EML4: variants seen among roughly 807,000 people sequenced by gnomAD.
The protein encoded by EML4 is echinoderm microtubule-associated protein-like 4.
A neutral mutation model predicts 129.0 loss-of-function variants in EML4; 72 were observed. The observed-to-expected ratio is 0.56, with a 90% CI of 0.46 to 0.68. The LOEUF is 0.68. Among genes scored for constraint, EML4 ranks in the 30% least tolerant of loss-of-function variants. The pLI is 0.00. For missense variants in EML4, 1,363 were observed against 1,190.6 expected (o/e 1.14, Z -2.13); for synonymous variants, 532 against 405.0 (o/e 1.31, Z -3.77).
chr2:42,225,023 CT>C (rs914137784), intron 1 of EML4, among the ~76,000 whole-genome samples: 1 of 152,040 alleles, frequency 6.6e-6, no homozygotes, highest in African/African-American at 2.4e-5. Flanking sequence ...CCTTTTGTGT[CT>C]GGTTTATTTT....
In EML4 at chr2:42,169,933, C is replaced by A. The variant is rs1336680408; in HGVS notation, c.25+297C>A. The A allele has an allele frequency of 4.8e-5, 17 of 353,088 alleles. No homozygotes were observed. In the East Asian group the frequency reaches 7.4e-4, roughly 15 times the overall value. The allele number at this position is 353,088 out of a possible 1,614,324, so 21.9% of individuals were successfully genotyped here. ...TTCTCAGGCCCCCCGATAGCTGGCA[C>A]ACCCCTCCCCGTACACTCACGGCTC... On this transcript the variant is annotated intron_variant, in intron 1 of 22. Transcript: ENST00000318522.
chr2:42,310,819 T>C (rs569321849), intron 17 of EML4, among the ~76,000 whole-genome samples: 1 of 152,194 alleles, frequency 6.6e-6, no homozygotes, highest in Non-Finnish European at 1.5e-5. Flanking sequence ...TTGTAGAAAA[T>C]CCCCTTGGCT....
chr2:42,236,428 C>T (rs773736655), intron 1 of EML4, among the ~76,000 whole-genome samples: 28 of 152,264 alleles, frequency 1.8e-4, no homozygotes, highest in Middle Eastern at 6.8e-3. Context: ...AGGAGTTTCT[C>T]TAGAACAGAG....
intron 8 of EML4, among the ~76,000 whole-genome samples, chr2:42,284,389 C>T (rs2103623088): frequency 6.6e-6 from 1 of 152,248 alleles, no homozygotes; most frequent in Non-Finnish European, 1.5e-5. Flanking sequence ...CGTTAGCATG[C>T]CACAGTTATA....
At chr2:42,244,240 A>G (rs1675235483) in intron 1 of EML4, among the ~76,000 whole-genome samples, 2 of 151,758 alleles carry the variant, frequency 1.3e-5, no homozygotes, top group Non-Finnish European at 2.9e-5. Context: ...CTGGGACTAC[A>G]GGCACACGCC....
At chr2:42,304,086 G>A (rs545810439) in intron 16 of EML4, among the ~76,000 whole-genome samples, 2 of 152,168 alleles carry the variant, frequency 1.3e-5, no homozygotes, top group South Asian at 2.1e-4. Flanking sequence ...AGTAAGTGCT[G>A]CTCACTAACA....
Position 42,169,528 on chromosome 2 carries a change from C to A in EML4, c.-84C>A. On this transcript the variant is annotated 5_prime_UTR_variant, in exon 1 of 23. Transcript: ENST00000318522. ...CGGGCGACCTAGAGAACGAGCGGGT[C>A]AGGCTCAGCGTCGGCCACTCTGTCG... is the stretch of plus-strand genomic sequence containing the variant. 6.7e-7 allele frequency: 1 copy of A among 1,494,120 alleles called. No individual in the cohort carries two copies. The highest frequency in any genetic ancestry group is 1.2e-5 in the South Asian group (1 of 82,348). 92.6% of individuals were successfully genotyped at this position (1,494,120 alleles called of 1,614,324 possible).
chr2:42,317,323 A>G (rs1669294267), intron 18 of EML4, 104 bp from the exon 19 acceptor site: 2 of 733,184 alleles, frequency 2.7e-6, no homozygotes, highest in Non-Finnish European at 4.5e-6. Context: ...ATTGCCAAAT[A>G]GTTAAATTGA....
intron 13 of EML4, 56 bp from the exon 14 acceptor site, chr2:42,301,185 A>C: frequency 1.2e-5 from 18 of 1,491,342 alleles, no homozygotes; most frequent in Non-Finnish European, 1.7e-5. Flanking sequence ...CCAAATAGAC[A>C]CTAAAATCTG....
At chr2:42,186,341 A>G (rs11367899) in intron 1 of EML4, among the ~76,000 whole-genome samples, 23,666 of 142,944 alleles carry the variant, frequency 0.17, 1,947 homozygotes, top group Middle Eastern at 0.25. Flanking sequence ...TTTATACTTG[A>G]AAAAAAAAAA....
rs529491512 is a variant in EML4 at position 42,213,463 on chromosome 2, T to G, written c.26-32042T>G. ...ATAGTCCATTTACCCAGTCTCCTGT[T>G]GGACTAACCATGAAGAAAAAATAAA... On this transcript the variant is annotated intron_variant, in intron 1 of 22. Transcript: ENST00000318522. 6.6e-5 allele frequency among the ~76,000 whole-genome samples: 10 copies of G among 152,344 alleles called. No individual in the cohort carries two copies. The East Asian group carries it at 1.9e-3, about 29-fold the overall frequency.
intron 17 of EML4, 56 bp from the exon 18 acceptor site, chr2:42,315,903 CTTT>C: frequency 7.9e-7 from 1 of 1,268,478 alleles, no homozygotes; most frequent in East Asian, 2.4e-5. Context: ...AAAAGAACAA[CTTT>C]TTTTTTCTAT....
chr2:42,287,367 G>C (rs985268760), intron 10 of EML4, among the ~76,000 whole-genome samples: 2 of 152,124 alleles, frequency 1.3e-5, no homozygotes, highest in Admixed American at 1.3e-4. Context: ...TCTATAGCAG[G>C]AACTGTTGTC....
At chr2:42,293,015 A>T (rs1392143515) in intron 11 of EML4, among the ~76,000 whole-genome samples, 2 of 152,194 alleles carry the variant, frequency 1.3e-5, no homozygotes, top group Non-Finnish European at 2.9e-5. Context: ...TTTAAACTTT[A>T]CTTAGACTTG....
At chr2:42,304,704 A>G (rs767181097) in intron 17 of EML4, among the ~76,000 whole-genome samples, 153 bp downstream of exon 17, 15 of 152,234 alleles carry the variant, frequency 9.9e-5, no homozygotes, top group East Asian at 1.9e-4. Flanking sequence ...ATAGAATTCA[A>G]TTATTTATTG....
intron 19 of EML4, among the ~76,000 whole-genome samples, chr2:42,322,350 C>T (rs1243330417): frequency 6.6e-6 from 1 of 152,212 alleles, no homozygotes; most frequent in Non-Finnish European, 1.5e-5. Flanking sequence ...TTGGACTGCA[C>T]TGATACAGAT....
intron 1 of EML4, among the ~76,000 whole-genome samples, chr2:42,241,376 C>T (rs902635297): frequency 6.6e-6 from 1 of 151,974 alleles, no homozygotes; most frequent in African/African-American, 2.4e-5. Flanking sequence ...CTATAGTGAC[C>T]CTGTAATTGA....
intron 8 of EML4, among the ~76,000 whole-genome samples, chr2:42,284,157 T>C (rs1391951437): frequency 6.6e-6 from 1 of 152,230 alleles, no homozygotes; most frequent in Non-Finnish European, 1.5e-5. Flanking sequence ...GTGAAGATGC[T>C]CATTGCTGTT....
At chr2:42,217,661 T>TG (rs1373918223) in intron 1 of EML4, among the ~76,000 whole-genome samples, 1 of 152,226 alleles carries the variant, frequency 6.6e-6, no homozygotes, top group Non-Finnish European at 1.5e-5. Flanking sequence ...GGACTACATT[T>TG]GGTCATGTTT....
Sources: allele counts gnomAD v4.1 joint callset (sites outside exome capture counted in the v4.1 genomes callset), GRCh38; gene constraint gnomAD v4.1.1; transcripts MANE v1.5; gene names NCBI Gene and HGNC (gene_info 2026-07-23, HGNC 2026-07-21).